The following TTLL8 variants were observed in gnomAD, a reference collection of about 807,000 sequenced individuals.
The protein encoded by TTLL8 is tubulin tyrosine ligase like 8, also known as protein monoglycylase TTLL8.
TTLL8 carries 65 observed loss-of-function variants against 77.8 expected under a neutral mutation model. The observed-to-expected ratio is 0.84, with a 90% CI of 0.68 to 1.03. The LOEUF (loss-of-function observed/expected upper bound fraction) is 1.03. TTLL8 is among the 50% of genes least tolerant of loss of function. The pLI is 0.00. For synonymous variants in TTLL8, 402 were observed against 422.8 expected (o/e 0.95, Z 0.60); for missense variants, 910 against 1,004.5 (o/e 0.91, Z 1.27).
upstream of TTLL8, among the ~76,000 whole-genome samples, chr22:50,057,481 TGGGTCAGGTCTGGGTTG>T (rs1569237150): frequency 0.024 from 149 of 6,128 alleles, no homozygotes; most frequent in African/African-American, 0.1. Flanking sequence ...GTCTGGATTG[TGGGTCAGGTCTGGGTTG>T]GGGTCAGGTC....
chr22:50,042,732 C>G (rs778820582), intron 6 of TTLL8, among the ~76,000 whole-genome samples: 2 of 152,192 alleles, frequency 1.3e-5, no homozygotes, highest in Non-Finnish European at 2.9e-5. Flanking sequence ...AAGTTTGAGA[C>G]TAGCCTGGGC....
At chr22:50,028,479 C>T (rs1466416688) in intron 12 of TTLL8, among the ~76,000 whole-genome samples, 1 of 152,184 alleles carries the variant, frequency 6.6e-6, no homozygotes, top group Non-Finnish European at 1.5e-5. Context: ...AGGAACTTCG[C>T]CTCCCGTGGG....
rs775001606 is a variant in TTLL8, at chr22:50,031,713, G to C, written c.1680C>G (p.Ile560Met). The change falls in exon 11 of 14, where the codon ATC becomes ATG. Residue 560 changes from isoleucine (I) to methionine (M), a missense_variant. Transcript: ENST00000266182. ...GCCTCCACAGGAGCTCGAAGTTGCC[G>C]ATGTCACAGCTGCGGTCCACGGCCA... is the stretch of plus-strand genomic sequence containing the variant. The C allele has an allele frequency of 2.9e-5, 39 of 1,327,454 alleles. 1 individual carries two copies. In the South Asian group the frequency reaches 4.0e-4, roughly 14 times the overall value. 82.2% of individuals were successfully genotyped at this position (1,327,454 alleles called of 1,614,324 possible).
At chr22:50,045,433 C>CTGGGGACTGGAGA in intron 5 of TTLL8, 44 bp from the exon 8 acceptor site, 1 of 1,355,006 alleles carries the variant, frequency 7.4e-7, no homozygotes, top group Non-Finnish European at 9.8e-7. Context: ...CGAGCCAGGA[C>CTGGGGACTGGAGA]TGGGGACTGG....
At chr22:50,027,990 G>A (rs545784325) in intron 12 of TTLL8, among the ~76,000 whole-genome samples, 17 of 152,262 alleles carry the variant, frequency 1.1e-4, no homozygotes, top group South Asian at 8.3e-4. Context: ...CCTCAGACAC[G>A]TGGTGTCGGC....
At chr22:50,049,374 C>T (rs374493250) in intron 2 of TTLL8, 52 bp from the exon 5 acceptor site, 44 of 1,364,186 alleles carry the variant, frequency 3.2e-5, no homozygotes, top group Non-Finnish European at 4.1e-5. Flanking sequence ...GCCAGACTTC[C>T]CGCACCGGGT....
At chr22:50,019,388 C>T (rs144182924) in intron 12 of TTLL8, among the ~76,000 whole-genome samples, 2 of 152,334 alleles carry the variant, frequency 1.3e-5, no homozygotes, top group East Asian at 3.9e-4. Context: ...ATCCTCACCC[C>T]CAGGCAATCA....
intron 12 of TTLL8, among the ~76,000 whole-genome samples, chr22:50,027,370 C>G (rs1236406245): frequency 6.7e-6 from 1 of 149,304 alleles, no homozygotes; most frequent in African/African-American, 2.5e-5. Context: ...TCTGTCTCTA[C>G]TAAAATACAA....
intron 8 of TTLL8, among the ~76,000 whole-genome samples, chr22:50,038,842 T>C (rs1459985765): frequency 1.3e-5 from 2 of 152,136 alleles, no homozygotes; most frequent in Non-Finnish European, 2.9e-5. Context: ...TTTTTTCATT[T>C]CCAAGTTGGC....
At chr22:50,030,230 G>T in intron 12 of TTLL8, 200 bp downstream of exon 13, 1 of 985,286 alleles carries the variant, frequency 1.0e-6, no homozygotes, top group Non-Finnish European at 1.2e-6. Flanking sequence ...CCCACCCCGA[G>T]ACCCCCGTGC....
In TTLL8 at chr22:50,021,201, T is replaced by TGTGTACTCCTCCATCTGAC. The variant is rs1230417562; in HGVS notation, c.2204-4658_2204-4640dup. The stretch of plus-strand genomic sequence containing the variant: ...ATCTGACGTGCACTCCTCCATCTGA[T>TGTGTACTCCTCCATCTGAC]GTGTACTCCTCCATCTGACGTGCAC... On this transcript the variant is annotated intron_variant, in intron 12 of 13. Transcript: ENST00000266182. 2.4e-3 allele frequency among the ~76,000 whole-genome samples: 332 copies of TGTGTACTCCTCCATCTGAC among 137,204 alleles called. 1 individual carries two copies. Among genetic ancestry groups the TGTGTACTCCTCCATCTGAC allele is most frequent in the Non-Finnish European group, 3.6e-3 (226 of 63,330 alleles). 90.0% of individuals were successfully genotyped at this position (137,204 alleles called of 152,430 possible). A position where few individuals can be genotyped will look rare whatever the true frequency, so the allele number is the denominator to read the frequency against.
At chr22:50,036,939 G>C (rs919055388) in intron 8 of TTLL8, among the ~76,000 whole-genome samples, 1 of 151,988 alleles carries the variant, frequency 6.6e-6, no homozygotes, top group East Asian at 1.9e-4. Flanking sequence ...ATTCATCCAC[G>C]CTGCAGCATA....
At position 50,050,257 on chromosome 22, in the gene TTLL8, C is replaced by T. The variant is rs1569234043; in HGVS notation, c.52-10G>A. 1 of 1,310,700 alleles carries T rather than the reference C, an allele frequency of 7.6e-7. No individual in the cohort carries two copies. Among genetic ancestry groups the T allele is most frequent in the Non-Finnish European group, 1.0e-6 (1 of 992,678 alleles). 81.2% of individuals were successfully genotyped at this position (1,310,700 alleles called of 1,614,324 possible). A position where few individuals can be genotyped will look rare whatever the true frequency, so the allele number is the denominator to read the frequency against. On this transcript the variant is annotated splice_polypyrimidine_tract_variant and intron_variant, in intron 1 of 13. Transcript: ENST00000266182. ...AGAAAATCTTCTTCTCCTAAAATGG[C>T]AAGAGGATATTTTATTTTATTTCAA...
chr22:50,021,283 T>TGTGCACTCCTCCATCTGAC (rs1569217817), intron 12 of TTLL8, among the ~76,000 whole-genome samples: 3 of 134,592 alleles, frequency 2.2e-5, no homozygotes, highest in Admixed American at 7.3e-5. Context: ...CTCCATCTGA[T>TGTGCACTCCTCCATCTGAC]GTGCACTCCT....
chr22:50,046,994 G>A (rs1362098726), intron 4 of TTLL8, 174 bp downstream of exon 6: 1 of 760,184 alleles, frequency 1.3e-6, no homozygotes, highest in African/African-American at 1.9e-5. Flanking sequence ...AGGGGTGCTG[G>A]GGGTGGGGTG....
intron 12 of TTLL8, among the ~76,000 whole-genome samples, chr22:50,021,503 A>ATGACGTGCACTCCTCCATC (rs1341007156): frequency 2.3e-5 from 3 of 132,010 alleles, no homozygotes; most frequent in African/African-American, 8.9e-5. Flanking sequence ...CCTCCATCTG[A>ATGACGTGCACTCCTCCATC]TGACGTGCAC....
At chr22:50,055,106 C>A, upstream of TTLL8, 1 of 1,163,690 alleles carries the variant, frequency 8.6e-7, no homozygotes. Context: ...AGCCAAGTCC[C>A]CACAGGGAGG....
intron 1 of TTLL8, among the ~76,000 whole-genome samples, chr22:50,051,151 C>G (rs189790964): frequency 6.6e-6 from 1 of 152,222 alleles, no homozygotes; most frequent in African/African-American, 2.4e-5. Context: ...CGTGAGCCAC[C>G]GCGCCCAGCC....
intron 10 of TTLL8, 127 bp from the exon 12 acceptor site, chr22:50,032,236 C>CAGAGGGTTGGAGT: frequency 9.8e-7 from 1 of 1,022,646 alleles, no homozygotes; most frequent in Non-Finnish European, 1.3e-6. Context: ...AGGACTCCAA[C>CAGAGGGTTGGAGT]CCTCTGCTGG....
Sources: gnomAD v4.1 joint callset for allele counts (sites outside exome capture counted in the v4.1 genomes callset) on GRCh38, gnomAD v4.1.1 for gene constraint, MANE v1.5 for transcripts, NCBI Gene and HGNC (gene_info 2026-07-23, HGNC 2026-07-21) for gene names.